MLLT3: variants seen among roughly 807,000 people sequenced by gnomAD.
The protein encoded by MLLT3 is MLLT3 super elongation complex subunit, also known as protein AF-9.
In MLLT3, 4 loss-of-function variants were observed where a neutral mutation model predicts 53.2. The ratio of observed to expected loss-of-function variants is 0.08; its 90% CI spans 0.04 to 0.17. The LOEUF (loss-of-function observed/expected upper bound fraction) is 0.17. Among genes scored for constraint, MLLT3 ranks in the 10% least tolerant of loss-of-function variants. The pLI is 1.00. For synonymous variants in MLLT3, 283 were observed against 230.6 expected (o/e 1.23, Z -2.06); for missense variants, 569 against 684.0 (o/e 0.83, Z 1.87).
rs1487278486 is a variant in MLLT3, at chr9:20,377,950, A to G, written c.1126-12206T>C. 2.6e-5 allele frequency among the ~76,000 whole-genome samples: 4 copies of G among 152,090 alleles called. No homozygotes were observed. In the East Asian group the frequency reaches 7.7e-4, roughly 29 times the overall value. ...CAAGGGTTATTTCTCTACAAGCCTT[A>G]TATCTTCCTCAATAGAATTAGAATA... On this transcript the variant is annotated intron_variant, in intron 5 of 10. Transcript: ENST00000380338.
At chr9:20,415,530 T>A (rs1393467514) in intron 4 of MLLT3, 1 of 642,078 alleles carries the variant, frequency 1.6e-6, no homozygotes, top group African/African-American at 2.0e-5. Flanking sequence ...AGAAGAGCTC[T>A]TTCTTGCTTA....
At position 20,346,394 on chromosome 9, in the gene MLLT3, C is replaced by CAAAAAAAAAAAAAAAAAAAA; in HGVS notation, c.*48_*49insTTTTTTTTTTTTTTTTTTTT. 1 of 1,208,550 alleles carries CAAAAAAAAAAAAAAAAAAAA rather than the reference C, an allele frequency of 8.3e-7. No individual in the cohort carries two copies. Among genetic ancestry groups the CAAAAAAAAAAAAAAAAAAAA allele is most frequent in the Non-Finnish European group, 1.1e-6 (1 of 924,892 alleles). 74.9% of individuals were successfully genotyped at this position (1,208,550 alleles called of 1,614,324 possible). A position where few individuals can be genotyped will look rare whatever the true frequency, so the allele number is the denominator to read the frequency against. On this transcript the variant is annotated 3_prime_UTR_variant, in exon 11 of 11. Coordinates refer to ENST00000380338, the MANE Select transcript of MLLT3 (RefSeq NM_004529.4). ...AAATCACAACCAAAAAAAAAAAAAA[C>CAAAAAAAAAAAAAAAAAAAA]CAAAAAAAAAAAACACAATAGTTCT...
At chr9:20,520,770 C>G (rs1249210777) in intron 2 of MLLT3, among the ~76,000 whole-genome samples, 1 of 152,120 alleles carries the variant, frequency 6.6e-6, no homozygotes, top group Non-Finnish European at 1.5e-5. Flanking sequence ...AGGAGGATAA[C>G]ATCTTAAAGG....
rs1416998985 is a variant in MLLT3 at position 20,499,909 on chromosome 9, A to T, written c.194-43123T>A. 2.0e-5 allele frequency among the ~76,000 whole-genome samples: 3 copies of T among 151,990 alleles called. No homozygotes were observed. In the East Asian group the frequency reaches 5.8e-4, roughly 29 times the overall value. ...GCAAGAACCTGTCTCTTAAAAAAAA[A>T]TGTGGGGGAACAGGTGTTAATGCAG... is the stretch of plus-strand genomic sequence containing the variant. On this transcript the variant is annotated intron_variant, in intron 2 of 10. Transcript: ENST00000380338.
At chr9:20,607,559 A>G (rs1249772698) in intron 2 of MLLT3, among the ~76,000 whole-genome samples, 2 of 152,168 alleles carry the variant, frequency 1.3e-5, no homozygotes, top group African/African-American at 4.8e-5. Flanking sequence ...CAAGCAGCTA[A>G]TAAGAAATAC....
chr9:20,498,837 T>A (rs1825148265), intron 2 of MLLT3, among the ~76,000 whole-genome samples: 1 of 152,212 alleles, frequency 6.6e-6, no homozygotes, highest in Non-Finnish European at 1.5e-5. Context: ...GAGCAAATTG[T>A]TTTTATTGTT....
intron 2 of MLLT3, among the ~76,000 whole-genome samples, chr9:20,570,924 G>A (rs1264591851): frequency 6.6e-6 from 1 of 152,178 alleles, no homozygotes; most frequent in Non-Finnish European, 1.5e-5. Context: ...GCCATAGCCT[G>A]AAGATGAGTC....
chr9:20,462,617 A>G (rs1442309217), intron 2 of MLLT3, among the ~76,000 whole-genome samples: 1 of 151,998 alleles, frequency 6.6e-6, no homozygotes, highest in Non-Finnish European at 1.5e-5. Flanking sequence ...TTCTGCCAAT[A>G]CTCAAAACAA....
At chr9:20,396,175 G>C (rs145719551) in intron 5 of MLLT3, among the ~76,000 whole-genome samples, 2 of 151,342 alleles carry the variant, frequency 1.3e-5, no homozygotes, top group Admixed American at 1.3e-4. Flanking sequence ...TTTTTTAAGA[G>C]AAAGTCATCT....
chr9:20,360,933 A>C, intron 7 of MLLT3, 92 bp from the exon 8 acceptor site: 1 of 1,085,220 alleles, frequency 9.2e-7, no homozygotes, highest in Non-Finnish European at 1.4e-6. Flanking sequence ...CAGAATCCAA[A>C]CACTAACCCT....
chr9:20,457,809 A>G (rs1465592083), intron 2 of MLLT3, among the ~76,000 whole-genome samples: 1 of 152,216 alleles, frequency 6.6e-6, no homozygotes, highest in Non-Finnish European at 1.5e-5. Flanking sequence ...GAAGCCAAAC[A>G]GGATTTCATT....
chr9:20,408,779 A>T (rs966865531), intron 5 of MLLT3, among the ~76,000 whole-genome samples: 5 of 152,232 alleles, frequency 3.3e-5, no homozygotes, highest in African/African-American at 1.2e-4. Flanking sequence ...ATGCTTCAAC[A>T]GCAGGACGTT....
chr9:20,445,829 T>C (rs1027334764), intron 4 of MLLT3, among the ~76,000 whole-genome samples: 1 of 151,984 alleles, frequency 6.6e-6, no homozygotes, highest in African/African-American at 2.4e-5. Flanking sequence ...AAGTATCCTC[T>C]CTCCCACCAC....
At chr9:20,611,978 T>C (rs1051226354) in intron 2 of MLLT3, among the ~76,000 whole-genome samples, 1 of 152,138 alleles carries the variant, frequency 6.6e-6, no homozygotes, top group South Asian at 2.1e-4. Flanking sequence ...TTAATTCATA[T>C]AGAGAATTTG....
rs551000044 is a variant in MLLT3 at position 20,481,747 on chromosome 9, G to A, written c.194-24961C>T. 3.3e-5 allele frequency among the ~76,000 whole-genome samples: 5 copies of A among 152,262 alleles called. No individual in the cohort carries two copies. In the East Asian group the frequency reaches 7.7e-4, roughly 23 times the overall value. ...TCCACTTCTTAGGAATGGAGCATTG[G>A]AGAAAATTCAGTTCCCTCACATATA... On this transcript the variant is annotated intron_variant, in intron 2 of 10. Coordinates refer to ENST00000380338, the MANE Select transcript of MLLT3 (RefSeq NM_004529.4).
In MLLT3 at chr9:20,448,849, A is replaced by C. The variant is rs756617421; in HGVS notation, c.277-583T>G. 3.4e-4 allele frequency among the ~76,000 whole-genome samples: 52 copies of C among 152,162 alleles called. No homozygotes were observed. Among genetic ancestry groups the C allele is most frequent in the Admixed American group, 1.7e-3 (26 of 15,260 alleles). ...AAAATCCTAATCTCACTTGAATGTC[A>C]CATAAGGGCCTTCATAATCTGGCTC... is the stretch of plus-strand genomic sequence containing the variant. On this transcript the variant is annotated intron_variant, in intron 3 of 10. Transcript: ENST00000380338. This position sits in a 1 kb window ranked among gnomAD's most constrained non-coding sequence, Gnocchi z 4.0.
chr9:20,401,014 A>G (rs920035586), intron 5 of MLLT3, among the ~76,000 whole-genome samples: 9 of 152,188 alleles, frequency 5.9e-5, no homozygotes, highest in African/African-American at 2.2e-4. Context: ...AGTTAATGTG[A>G]TAAGAATCCA....
intron 2 of MLLT3, among the ~76,000 whole-genome samples, chr9:20,484,047 T>C (rs1332034996): frequency 6.6e-6 from 1 of 152,112 alleles, no homozygotes; most frequent in Non-Finnish European, 1.5e-5. Context: ...TTAGTAGATA[T>C]ATTCCACTTT....
intron 5 of MLLT3, among the ~76,000 whole-genome samples, chr9:20,403,903 C>A (rs1822517288): frequency 6.6e-6 from 1 of 152,126 alleles, no homozygotes; most frequent in Non-Finnish European, 1.5e-5. Flanking sequence ...ACTGCAGCCT[C>A]AACTTACTGG....
Sources: gnomAD v4.1 joint callset for allele counts (sites outside exome capture counted in the v4.1 genomes callset) on GRCh38, gnomAD v4.1.1 for gene constraint, Gnocchi (gnomAD v3.1) non-coding constraint, MANE v1.5 for transcripts, NCBI Gene and HGNC (gene_info 2026-07-23, HGNC 2026-07-21) for gene names.